MSRB3: variants seen among roughly 807,000 people sequenced by gnomAD.
MSRB3 encodes methionine sulfoxide reductase B3.
MSRB3 carries 13 observed loss-of-function variants against 21.0 expected under a neutral mutation model. That is an observed-to-expected ratio of 0.62 (90% CI 0.40 to 0.98). The LOEUF (loss-of-function observed/expected upper bound fraction) is 0.98, where lower values mean the gene tolerates loss of function less well. Among genes scored for constraint, MSRB3 ranks in the 50% least tolerant of loss-of-function variants. The pLI is 0.00. For synonymous variants in MSRB3, 87 were observed against 88.6 expected (o/e 0.98, Z 0.10); for missense variants, 199 against 230.3 (o/e 0.86, Z 0.88).
chr12:65,388,596 C>T (rs1014254040), intron 5 of MSRB3, among the ~76,000 whole-genome samples: 1 of 152,202 alleles, frequency 6.6e-6, no homozygotes, highest in Non-Finnish European at 1.5e-5. Context: ...AGAAGCCAAG[C>T]GCAGTGCCTC....
At chr12:65,399,526 T>C (rs1302196690) in intron 5 of MSRB3, among the ~76,000 whole-genome samples, 2 of 152,228 alleles carry the variant, frequency 1.3e-5, no homozygotes, top group Non-Finnish European at 2.9e-5. Context: ...GTTTTCTAAA[T>C]ATACAATCAT....
At position 65,323,655 on chromosome 12, in the gene MSRB3, G is replaced by A. The variant is rs58105909; in HGVS notation, c.77-3171G>A. ...AAATTACAGTACCTAAGTGAAGATA[G>A]TAAAGGGAAACCATCCAATGAATTA... On this transcript the variant is annotated intron_variant, in intron 2 of 6. Transcript: ENST00000308259. Among the ~76,000 whole-genome samples the A allele has an allele frequency of 8.5e-3, 1,287 of 152,264 alleles. 20 individuals carry two copies. Among genetic ancestry groups the A allele is most frequent in the African/African-American group, 0.029 (1,197 of 41,544 alleles).
chr12:65,415,158 T>C (rs1489061380), intron 5 of MSRB3, among the ~76,000 whole-genome samples: 3 of 152,100 alleles, frequency 2.0e-5, no homozygotes, highest in Non-Finnish European at 4.4e-5. Flanking sequence ...GGAGTAGCTG[T>C]GAGATAGGAG....
intron 2 of MSRB3, among the ~76,000 whole-genome samples, chr12:65,316,877 G>T (rs1482629114): frequency 6.6e-6 from 1 of 152,130 alleles, no homozygotes; most frequent in East Asian, 1.9e-4. Flanking sequence ...AGCAATGACA[G>T]TTCTTCTGAA....
chr12:65,436,577 A>G (rs1202253682), intron 5 of MSRB3, among the ~76,000 whole-genome samples: 2 of 151,914 alleles, frequency 1.3e-5, no homozygotes, highest in African/African-American at 2.4e-5. Flanking sequence ...TGGGTGTTAT[A>G]GCATCATTTC....
chr12:65,352,056 A>T (rs1324887001), intron 4 of MSRB3, among the ~76,000 whole-genome samples: 4 of 152,018 alleles, frequency 2.6e-5, no homozygotes, highest in African/African-American at 4.8e-5. Context: ...TTGATGCAAA[A>T]ATCCTCAATA....
chr12:65,438,756 A>G (rs762151045), intron 5 of MSRB3, among the ~76,000 whole-genome samples: 8 of 151,724 alleles, frequency 5.3e-5, no homozygotes, highest in Non-Finnish European at 8.9e-5. Flanking sequence ...ATGGAAGACA[A>G]TGGGTCTTTA....
At chr12:65,397,679 T>G (rs556301550) in intron 5 of MSRB3, among the ~76,000 whole-genome samples, 51 of 152,302 alleles carry the variant, frequency 3.3e-4, no homozygotes, top group Admixed American at 5.2e-4. Context: ...TACATAGGTA[T>G]ACACGTGCCA....
chr12:65,439,919 G>A (rs1304492018), intron 5 of MSRB3, among the ~76,000 whole-genome samples: 8 of 151,614 alleles, frequency 5.3e-5, no homozygotes, highest in Non-Finnish European at 4.4e-5. Context: ...TTACAAAAAA[G>A]AAATACAGTG....
At chr12:65,306,722 A>T in intron 1 of MSRB3, 1 of 563,174 alleles carries the variant, frequency 1.8e-6, no homozygotes, top group South Asian at 7.8e-5. Context: ...TTGCCACTAG[A>T]TGGAGCCCTG....
chr12:65,437,008 A>G (rs1882148999), intron 5 of MSRB3, among the ~76,000 whole-genome samples: 1 of 151,948 alleles, frequency 6.6e-6, no homozygotes, highest in African/African-American at 2.4e-5. Context: ...ATAAATGTAA[A>G]GCACTTAGCA....
intron 4 of MSRB3, among the ~76,000 whole-genome samples, chr12:65,361,107 G>A (rs961991612): frequency 1.3e-5 from 2 of 151,364 alleles, no homozygotes; most frequent in Non-Finnish European, 2.9e-5. Flanking sequence ...ACTAGTACTT[G>A]TACCACAAGT....
At chr12:65,348,975 G>A (rs928285936) in intron 4 of MSRB3, among the ~76,000 whole-genome samples, 1 of 151,992 alleles carries the variant, frequency 6.6e-6, no homozygotes, top group African/African-American at 2.4e-5. Context: ...AGTTACATAT[G>A]TATACATGTG....
chr12:65,461,483 T>C (rs763158077), intron 6 of MSRB3, among the ~76,000 whole-genome samples: 15 of 152,216 alleles, frequency 9.9e-5, no homozygotes, highest in African/African-American at 1.4e-4. Flanking sequence ...TTTAGCTCTT[T>C]AATAAACTGA....
chr12:65,444,840 C>T (rs1882541829), intron 5 of MSRB3, among the ~76,000 whole-genome samples: 2 of 152,156 alleles, frequency 1.3e-5, no homozygotes. Context: ...CTTCCTATTT[C>T]TGGAAATGCT....
In MSRB3 at chr12:65,323,023, A is replaced by G. The variant is rs1238372092; in HGVS notation, c.77-3803A>G. Among the ~76,000 whole-genome samples the G allele has an allele frequency of 3.9e-5, 6 of 152,218 alleles. No homozygotes were observed. The East Asian group carries it at 1.2e-3, about 29-fold the overall frequency. ...TATTATAGAAAAAGAATTACCAATAAAAGATTGCTGCACACTAAATACTGG... is the reference window on the plus strand; with the variant it reads ...TATTATAGAAAAAGAATTACCAATAGAAGATTGCTGCACACTAAATACTGG... On this transcript the variant is annotated intron_variant, in intron 2 of 6. Coordinates refer to ENST00000308259, the MANE Select transcript of MSRB3 (RefSeq NM_001031679.3).
intron 6 of MSRB3, chr12:65,454,144 G>A (rs1330771177): frequency 1.8e-6 from 1 of 571,062 alleles, no homozygotes. Context: ...AAACTTAGCA[G>A]GGCATGGTAG....
chr12:65,432,247 G>A (rs1469073597), intron 5 of MSRB3, among the ~76,000 whole-genome samples: 1 of 151,968 alleles, frequency 6.6e-6, no homozygotes, highest in Non-Finnish European at 1.5e-5. Flanking sequence ...TGCAGAAAAT[G>A]TAAGTCCTTG....
intron 6 of MSRB3, among the ~76,000 whole-genome samples, chr12:65,458,448 C>T (rs78052703): frequency 0.012 from 1,901 of 152,266 alleles, 46 homozygotes; most frequent in African/African-American, 0.044. Context: ...TGAGAGAGTT[C>T]AGATTGGTTC....
Sources: gnomAD v4.1 joint callset for allele counts (sites outside exome capture counted in the v4.1 genomes callset) on GRCh38, gnomAD v4.1.1 for gene constraint, MANE v1.5 for transcripts, NCBI Gene and HGNC (gene_info 2026-07-23, HGNC 2026-07-21) for gene names.